The following FRMD4A variants were observed in gnomAD, a reference collection of about 807,000 sequenced individuals.
FRMD4A encodes the protein FERM domain containing 4A, also known as FERM domain-containing protein 4A.
Under a neutral mutation model 129.1 loss-of-function variants are expected in FRMD4A, and 29 were observed. That is an observed-to-expected ratio of 0.22 (90% confidence interval 0.17 to 0.31). The LOEUF is 0.31. FRMD4A is among the 10% of genes least tolerant of loss of function. The pLI is 1.00. For synonymous variants in FRMD4A, 634 were observed against 571.6 expected, an observed-to-expected ratio of 1.11 and a Z score of -1.56; for missense variants, 1,272 against 1,375.8, an observed-to-expected ratio of 0.92 and a Z score of 1.19.
At chr10:13,770,039 T>C (rs1465779556) in intron 6 of FRMD4A, among the ~76,000 whole-genome samples, 1 of 152,148 alleles carries the variant, frequency 6.6e-6, no homozygotes, top group Admixed American at 6.5e-5. Flanking sequence ...TCTATATATA[T>C]CCTATCGGTT....
At chr10:13,674,788 C>T in intron 16 of FRMD4A, 123 bp downstream of exon 16, 10 of 1,098,374 alleles carry the variant, frequency 9.1e-6, no homozygotes, top group Non-Finnish European at 1.3e-5. Context: ...ACTACCCTTG[C>T]CTTCTGTCAA....
rs1232197115 is a variant in FRMD4A at position 13,708,047 on chromosome 10, A to C, written c.760-934T>G. ...CTTGTGTGCACACACATTTGCATTA[A>C]TATTTGCTGGTTACTGCATCACCTT... On this transcript the variant is annotated intron_variant, in intron 12 of 24. Coordinates refer to ENST00000357447, the MANE Select transcript of FRMD4A (RefSeq NM_018027.5). 3 of 216,196 alleles carry C rather than the reference A, an allele frequency of 1.4e-5. No individual in the cohort carries two copies. In the Admixed American group the frequency reaches 2.0e-4, roughly 14 times the overall value. 13.4% of individuals were successfully genotyped at this position (216,196 alleles called of 1,614,324 possible).
intron 2 of FRMD4A, among the ~76,000 whole-genome samples, chr10:13,970,360 A>G (rs1215519453): frequency 6.6e-6 from 1 of 152,130 alleles, no homozygotes; most frequent in East Asian, 1.9e-4. Flanking sequence ...CATCTGTGAA[A>G]TCAACCCGAC....
intron 2 of FRMD4A, among the ~76,000 whole-genome samples, chr10:14,093,951 T>G (rs568028696): frequency 2.0e-5 from 3 of 152,348 alleles, no homozygotes; most frequent in Admixed American, 1.3e-4. Context: ...AGAAGATGCT[T>G]TTTTAAAAGA....
Position 13,706,061 on chromosome 10 carries a change from T to C in FRMD4A, c.836+976A>G, listed in dbSNP as rs75315657. Among the ~76,000 whole-genome samples, 1,457 of 152,270 alleles carry C rather than the reference T, an allele frequency of 9.6e-3. 23 individuals carry two copies. Among genetic ancestry groups the C allele is most frequent in the African/African-American group, 0.032 (1,331 of 41,542 alleles). On this transcript the variant is annotated intron_variant, in intron 13 of 24. Transcript: ENST00000357447. ...GAGCTCATGGGGAGGGACTGCAGCT[T>C]GTTTTGAGCATCAGAAGCCATGTGT... is the stretch of plus-strand genomic sequence containing the variant.
At chr10:14,183,602 T>C (rs1841980036) in intron 2 of FRMD4A, among the ~76,000 whole-genome samples, 1 of 151,888 alleles carries the variant, frequency 6.6e-6, no homozygotes, top group East Asian at 1.9e-4. Context: ...AGGAAAGTAA[T>C]TGCTTGATTC....
At chr10:13,829,975 C>T (rs569503032) in intron 3 of FRMD4A, among the ~76,000 whole-genome samples, 19 of 152,346 alleles carry the variant, frequency 1.2e-4, no homozygotes, top group African/African-American at 4.6e-4. Context: ...CCCTTCCTGT[C>T]GCTGGCACCT....
intron 2 of FRMD4A, among the ~76,000 whole-genome samples, chr10:13,916,333 C>A (rs997862286): frequency 1.3e-5 from 2 of 152,200 alleles, no homozygotes; most frequent in Non-Finnish European, 2.9e-5. Flanking sequence ...CTCCGAGGAT[C>A]CTGGATCTCA....
chr10:13,674,724 C>T (rs868169143), intron 16 of FRMD4A, among the ~76,000 whole-genome samples, 187 bp downstream of exon 16: 1 of 152,152 alleles, frequency 6.6e-6, no homozygotes, highest in African/African-American at 2.4e-5. Flanking sequence ...TGGATGTTTC[C>T]AACATTTGTG....
intron 2 of FRMD4A, among the ~76,000 whole-genome samples, chr10:14,217,865 C>G (rs1275378413): frequency 6.6e-6 from 1 of 151,782 alleles, no homozygotes; most frequent in African/African-American, 2.4e-5. Flanking sequence ...GAGTCTCACT[C>G]TGTCATCCAG....
At chr10:13,780,855 G>T (rs1393261191) in intron 6 of FRMD4A, among the ~76,000 whole-genome samples, 1 of 152,258 alleles carries the variant, frequency 6.6e-6, no homozygotes, top group East Asian at 1.9e-4. Flanking sequence ...CTGAACAACT[G>T]GGAATAGGGT....
At chr10:14,068,305 T>C (rs527285131) in intron 2 of FRMD4A, among the ~76,000 whole-genome samples, 1 of 152,322 alleles carries the variant, frequency 6.6e-6, no homozygotes, top group Admixed American at 6.5e-5. Context: ...GTATCACATA[T>C]CTGAACAGAG....
At chr10:14,182,256 G>C (rs1012508731) in intron 2 of FRMD4A, among the ~76,000 whole-genome samples, 3 of 152,188 alleles carry the variant, frequency 2.0e-5, no homozygotes, top group African/African-American at 2.4e-5. Context: ...AAAAGAGAGA[G>C]AGATAGGGTG....
At chr10:14,153,599 C>T (rs758772976) in intron 2 of FRMD4A, among the ~76,000 whole-genome samples, 4 of 152,134 alleles carry the variant, frequency 2.6e-5, no homozygotes, top group Non-Finnish European at 5.9e-5. Flanking sequence ...CAGACGGTCA[C>T]TCCTAGCATG....
At chr10:13,765,268 C>A (rs1029408030) in intron 6 of FRMD4A, among the ~76,000 whole-genome samples, 3 of 151,904 alleles carry the variant, frequency 2.0e-5, no homozygotes, top group Non-Finnish European at 2.9e-5. Context: ...GCGCCCACCA[C>A]CACGCCTGGC....
intron 2 of FRMD4A, among the ~76,000 whole-genome samples, chr10:14,207,884 T>C (rs1210170668): frequency 6.6e-6 from 1 of 152,188 alleles, no homozygotes; most frequent in Non-Finnish European, 1.5e-5. Context: ...GAAGTCAGTA[T>C]AAACCTCACC....
intron 2 of FRMD4A, among the ~76,000 whole-genome samples, chr10:13,923,590 TA>T (rs1237339600): frequency 6.6e-6 from 1 of 152,220 alleles, no homozygotes; most frequent in Non-Finnish European, 1.5e-5. Context: ...ATGTTTACCA[TA>T]AGGTTTCATC....
intron 2 of FRMD4A, among the ~76,000 whole-genome samples, chr10:14,144,881 T>A (rs543453571): frequency 6.6e-6 from 1 of 152,192 alleles, no homozygotes; most frequent in Non-Finnish European, 1.5e-5. Context: ...AAGAGGAGTT[T>A]TGGAGGCAGC....
intron 2 of FRMD4A, among the ~76,000 whole-genome samples, chr10:13,888,713 C>T (rs922854459): frequency 6.6e-6 from 1 of 152,190 alleles, no homozygotes; most frequent in African/African-American, 2.4e-5. Context: ...GTTATCATAT[C>T]AGGTGCTACC....
Sources: allele counts gnomAD v4.1 joint callset (sites outside exome capture counted in the v4.1 genomes callset), GRCh38; gene constraint gnomAD v4.1.1; transcripts MANE v1.5; gene names NCBI Gene and HGNC (gene_info 2026-07-23, HGNC 2026-07-21).